The following OPCML variants were observed in gnomAD, a reference collection of about 807,000 sequenced individuals.
OPCML encodes the protein opioid binding protein/cell adhesion molecule like, also known as opioid-binding protein/cell adhesion molecule.
Under a neutral mutation model 37.8 loss-of-function variants are expected in OPCML, and 13 were observed. The observed-to-expected ratio is 0.34, with a 90% confidence interval of 0.22 to 0.55. The LOEUF (loss-of-function observed/expected upper bound fraction) is 0.55. Ranked by LOEUF, OPCML falls within the 20% of genes least tolerant of loss-of-function variation. OPCML has a pLI of 0.91. For missense variants in OPCML, 341 were observed against 435.6 expected (o/e 0.78, Z 1.93); for synonymous variants, 176 against 168.8 (o/e 1.04, Z -0.33).
intron 2 of OPCML, among the ~76,000 whole-genome samples, chr11:132,710,174 C>T (rs529354550): frequency 2.8e-4 from 42 of 152,096 alleles, no homozygotes; most frequent in African/African-American, 9.4e-4. Context: ...ATGTATTTCA[C>T]GTAGAGCAAA....
intron 1 of OPCML, among the ~76,000 whole-genome samples, chr11:132,956,480 C>G (rs909685400): frequency 6.6e-5 from 10 of 152,194 alleles, no homozygotes; most frequent in African/African-American, 2.4e-4. Context: ...CTCTCATATG[C>G]TCTTGTGTTC....
chr11:132,508,965 A>G (rs1024054381), intron 4 of OPCML, among the ~76,000 whole-genome samples: 13 of 152,232 alleles, frequency 8.5e-5, no homozygotes, highest in African/African-American at 3.1e-4. Context: ...TGGAGGTCTC[A>G]GAAGAAGACA....
rs182128193 is a variant in OPCML at position 132,967,471 on chromosome 11, C to T, written c.62-24461G>A. 4.5e-4 allele frequency among the ~76,000 whole-genome samples: 68 copies of T among 152,040 alleles called. 1 individual carries two copies. In the East Asian group the frequency reaches 0.011, roughly 24 times the overall value. On this transcript the variant is annotated intron_variant, in intron 1 of 7. Transcript: ENST00000524381. ...TTGATGGTATTAACCATCTTATTTG[C>T]CATTTCTTGTTTTCTTTATTTGACC...
intron 1 of OPCML, among the ~76,000 whole-genome samples, chr11:132,957,866 C>G (rs1218879526): frequency 2.0e-5 from 3 of 152,180 alleles, no homozygotes; most frequent in Non-Finnish European, 4.4e-5. Flanking sequence ...ACCAACCATT[C>G]TCCAGTCTCT....
At position 132,696,647 on chromosome 11, in the gene OPCML, C is replaced by A. The variant is rs542114430; in HGVS notation, c.147-39328G>T. Among the ~76,000 whole-genome samples, 151 of 152,188 alleles carry A rather than the reference C, an allele frequency of 9.9e-4. 1 individual carries two copies. The highest frequency in any genetic ancestry group is 3.5e-3 in the African/African-American group (147 of 41,510). The stretch of plus-strand genomic sequence containing the variant: ...CAGAGGAAATCTCTCAGAACTGGAG[C>A]AAGAAGACCATGATGGAAAGTATGT... On this transcript the variant is annotated intron_variant, in intron 2 of 7. Coordinates refer to ENST00000524381, the MANE Select transcript of OPCML (RefSeq NM_001012393.5).
rs117412144 is a variant in OPCML, at chr11:132,684,304, C to T, written c.147-26985G>A. Among the ~76,000 whole-genome samples, 118 of 152,256 alleles carry T rather than the reference C, an allele frequency of 7.8e-4. No homozygotes were observed. In the Middle Eastern group the frequency reaches 0.031, roughly 39 times the overall value. ...CTCTCAACATCTTTGAGATAGGCAA[C>T]TTTATTTCCATTTTATAGGTTAGTA... On this transcript the variant is annotated intron_variant, in intron 2 of 7. Coordinates refer to ENST00000524381, the MANE Select transcript of OPCML (RefSeq NM_001012393.5).
intron 1 of OPCML, among the ~76,000 whole-genome samples, chr11:133,359,456 A>G (rs1944365771): frequency 6.6e-6 from 1 of 152,200 alleles, no homozygotes; most frequent in Non-Finnish European, 1.5e-5. Flanking sequence ...GACATCAGTG[A>G]GCGTTTATTT....
chr11:133,254,013 G>T (rs1039338009), intron 1 of OPCML, among the ~76,000 whole-genome samples: 2 of 152,078 alleles, frequency 1.3e-5, no homozygotes, highest in African/African-American at 4.8e-5. Flanking sequence ...AGATGAGTGT[G>T]ATGCTGGTCC....
chr11:133,049,578 C>T (rs1408405886), intron 1 of OPCML, among the ~76,000 whole-genome samples: 3 of 152,176 alleles, frequency 2.0e-5, no homozygotes, highest in Non-Finnish European at 4.4e-5. Context: ...AGAAGTTGAT[C>T]GCAGATGAGG....
chr11:133,410,207 C>T (rs766197931), intron 1 of OPCML, among the ~76,000 whole-genome samples: 25 of 152,194 alleles, frequency 1.6e-4, no homozygotes, highest in Non-Finnish European at 3.1e-4. Flanking sequence ...GTGCTTGCAG[C>T]ATAGACTGTC....
chr11:132,874,607 G>A (rs1433758836), intron 2 of OPCML, among the ~76,000 whole-genome samples: 2 of 152,136 alleles, frequency 1.3e-5, no homozygotes, highest in African/African-American at 4.8e-5. Context: ...TGTTGCCCCT[G>A]GGTCTTTAGA....
intron 2 of OPCML, among the ~76,000 whole-genome samples, chr11:132,869,337 C>A (rs1364819184): frequency 6.6e-6 from 1 of 152,162 alleles, no homozygotes; most frequent in Non-Finnish European, 1.5e-5. Flanking sequence ...CACCCCGCCT[C>A]CTCCTTCCCA....
intron 1 of OPCML, among the ~76,000 whole-genome samples, chr11:133,465,366 T>G (rs773449194): frequency 6.6e-6 from 1 of 152,182 alleles, no homozygotes; most frequent in Non-Finnish European, 1.5e-5. Context: ...ATTAGCAATG[T>G]TCCTTTTGTC....
chr11:133,140,265 A>T (rs1317416949), intron 1 of OPCML, among the ~76,000 whole-genome samples: 1 of 149,078 alleles, frequency 6.7e-6, no homozygotes, highest in African/African-American at 2.5e-5. Flanking sequence ...TAATCCCAGC[A>T]CTTTGGGAGG....
At chr11:133,499,864 A>ATATGTGTGTG in intron 1 of OPCML, among the ~76,000 whole-genome samples, 1 of 115,732 alleles carries the variant, frequency 8.6e-6, no homozygotes, top group African/African-American at 4.0e-5. Context: ...ATACACATAT[A>ATATGTGTGTG]TATATATATA....
rs563275521 is a variant in OPCML, at chr11:132,518,066, A to T, written c.505+10995T>A. ...GAATAAAGACAAAACTTTTTTAAAA[A>T]ATTATTTTCTTTACTTTAAGTTCCA... is the stretch of plus-strand genomic sequence containing the variant. On this transcript the variant is annotated intron_variant, in intron 4 of 7. Transcript: ENST00000524381. Among the ~76,000 whole-genome samples the T allele has an allele frequency of 3.9e-5, 6 of 152,272 alleles. No homozygotes were observed. The East Asian group carries it at 5.8e-4, about 15-fold the overall frequency.
At chr11:132,483,457 G>C (rs565439058) in intron 4 of OPCML, among the ~76,000 whole-genome samples, 1 of 152,230 alleles carries the variant, frequency 6.6e-6, no homozygotes, top group Non-Finnish European at 1.5e-5. Flanking sequence ...CTCGTGGGTA[G>C]GAAGAATCAA....
intron 1 of OPCML, among the ~76,000 whole-genome samples, chr11:133,480,080 C>T (rs1480424195): frequency 6.6e-6 from 1 of 152,224 alleles, no homozygotes; most frequent in Admixed American, 6.5e-5. Flanking sequence ...ACACACAGTG[C>T]TCTGGGCTCC....
chr11:133,439,104 G>A (rs770805969), intron 1 of OPCML: 6 of 166,150 alleles, frequency 3.6e-5, no homozygotes, highest in East Asian at 1.9e-4. Context: ...GAGAAGAGTC[G>A]CAGGAACCCT....
Sources: gnomAD v4.1 joint callset for allele counts (sites outside exome capture counted in the v4.1 genomes callset) on GRCh38, gnomAD v4.1.1 for gene constraint, MANE v1.5 for transcripts, NCBI Gene and HGNC (gene_info 2026-07-23, HGNC 2026-07-21) for gene names.